Variants in FERMT2 observed in about 807,000 individuals in gnomAD.
FERMT2 encodes FERM domain containing kindlin 2.
Under a neutral mutation model 82.7 loss-of-function variants are expected in FERMT2, and 15 were observed. The observed-to-expected ratio is 0.18, with a 90% CI of 0.12 to 0.28. FERMT2 has a LOEUF of 0.28. Among genes scored for constraint, FERMT2 ranks in the 10% least tolerant of loss-of-function variants. The probability of loss-of-function intolerance (pLI) is 1.00; values close to 1 mark genes in which losing one functional copy is unlikely to be tolerated. For synonymous variants in FERMT2, 274 were observed against 271.5 expected (o/e 1.01, Z -0.09); for missense variants, 645 against 809.4 (o/e 0.80, Z 2.46).
chr14:52,936,299 A>G lies in FERMT2; in HGVS notation c.157+14113T>C, dbSNP rs575251757. 2.0e-5 allele frequency among the ~76,000 whole-genome samples: 3 copies of G among 152,342 alleles called. 1 individual carries two copies. The highest frequency in any genetic ancestry group is 1.9e-4 in the East Asian group (1 of 5,194). On this transcript the variant is annotated intron_variant, in intron 2 of 14. Transcript: ENST00000341590. Reference sequence around the variant, plus strand: ...TCTCAGAAAATATTAACAAATTCTAATATAAAACTTCAATGTATACTGGAA... The same window carrying G: ...TCTCAGAAAATATTAACAAATTCTAGTATAAAACTTCAATGTATACTGGAA...
chr14:52,894,872 CCTTT>C (rs1214663714), intron 3 of FERMT2, among the ~76,000 whole-genome samples: 3 of 97,670 alleles, frequency 3.1e-5, no homozygotes, highest in African/African-American at 1.1e-4. Context: ...AAAAAATTGC[CCTTT>C]ATTTAAAAAT....
intron 3 of FERMT2, among the ~76,000 whole-genome samples, chr14:52,904,381 G>A (rs940279320): frequency 6.6e-5 from 10 of 152,228 alleles, no homozygotes; most frequent in Admixed American, 5.9e-4. Flanking sequence ...GCTGGGCATG[G>A]TGGCATGTAC....
intron 4 of FERMT2, among the ~76,000 whole-genome samples, chr14:52,885,981 A>C (rs73302547): frequency 0.017 from 2,572 of 152,114 alleles, 64 homozygotes; most frequent in African/African-American, 0.058. Context: ...CCACAAACAA[A>C]ATGCCAGTAT....
intron 3 of FERMT2, among the ~76,000 whole-genome samples, chr14:52,917,550 T>A (rs931302824): frequency 6.6e-6 from 1 of 152,090 alleles, no homozygotes; most frequent in Non-Finnish European, 1.5e-5. Flanking sequence ...TTAAAAAAAA[T>A]TTCAAGGGCA....
chr14:52,950,511 G>A lies in FERMT2; in HGVS notation c.58C>T (p.Leu20=), dbSNP rs1595036124. ...DGCYADGTWE[L]SVHVTDLNRD... is the part of the protein sequence containing the mutation. ...TTCAGGTCCGTCACATGGACACTCAGTTCCCACGTCCCGTCCGCGTAGCAG... is the reference window on the plus strand; with the variant it reads ...TTCAGGTCCGTCACATGGACACTCAATTCCCACGTCCCGTCCGCGTAGCAG... The change falls in exon 2 of 15, where the codon CTG becomes TTG. Residue 20 remains leucine (L), a synonymous_variant. Coordinates refer to ENST00000341590, the MANE Select transcript of FERMT2 (RefSeq NM_006832.3). The A allele has an allele frequency of 6.2e-7, 1 of 1,614,160 alleles. No individual in the cohort carries two copies. Among genetic ancestry groups the A allele is most frequent in the East Asian group, 2.2e-5 (1 of 44,870 alleles).
At chr14:52,925,142 C>G (rs1595002450) in intron 2 of FERMT2, among the ~76,000 whole-genome samples, 1 of 152,164 alleles carries the variant, frequency 6.6e-6, no homozygotes, top group East Asian at 1.9e-4. Context: ...CATACCTATT[C>G]TATTCATTAG....
chr14:52,869,401 G>T (rs557260226), intron 10 of FERMT2, among the ~76,000 whole-genome samples: 2 of 152,308 alleles, frequency 1.3e-5, no homozygotes, highest in East Asian at 3.9e-4. Context: ...TCAACACTGT[G>T]TTGAAATACG....
At chr14:52,914,701 C>T (rs1888521947) in intron 3 of FERMT2, among the ~76,000 whole-genome samples, 1 of 152,136 alleles carries the variant, frequency 6.6e-6, no homozygotes, top group East Asian at 1.9e-4. Flanking sequence ...AGGCGGATCC[C>T]CTGAGGTCAA....
intron 8 of FERMT2, 72 bp from the exon 9 acceptor site, chr14:52,874,298 T>C: frequency 1.2e-6 from 1 of 864,690 alleles, no homozygotes; most frequent in Non-Finnish European, 1.8e-6. Flanking sequence ...GTATCTGATA[T>C]CAAGAACTAG....
intron 4 of FERMT2, among the ~76,000 whole-genome samples, chr14:52,882,116 C>T (rs1031864354): frequency 9.2e-5 from 14 of 152,196 alleles, no homozygotes; most frequent in African/African-American, 3.4e-4. Flanking sequence ...GAAATCCATA[C>T]AATTTGAAGG....
At chr14:52,941,752 C>T (rs952053821) in intron 2 of FERMT2, among the ~76,000 whole-genome samples, 2 of 152,068 alleles carry the variant, frequency 1.3e-5, no homozygotes, top group Admixed American at 6.6e-5. Context: ...TCTAAATAGG[C>T]CCAATGTTTT....
chr14:52,860,811 A>C (rs1433816312), intron 12 of FERMT2: 6 of 611,464 alleles, frequency 9.8e-6, no homozygotes, highest in Non-Finnish European at 1.7e-5. Flanking sequence ...TAAATTTAGC[A>C]CTATGTCTAT....
chr14:52,857,545 A>G lies in FERMT2; in HGVS notation c.*832T>C, dbSNP rs1356046434. 6.6e-6 allele frequency: 1 copy of G among 152,660 alleles called. No homozygotes were observed. The highest frequency in any genetic ancestry group is 1.5e-5 in the Non-Finnish European group (1 of 68,054). 9.5% of individuals were successfully genotyped at this position (152,660 alleles called of 1,614,324 possible). On this transcript the variant is annotated 3_prime_UTR_variant, in exon 15 of 15. Transcript: ENST00000341590. Reference sequence around the variant, plus strand: ...TAGATATTAAAACTGCACGTTAATTATATCTCTTAAAGGCATTTAATTAAC... The same window carrying G: ...TAGATATTAAAACTGCACGTTAATTGTATCTCTTAAAGGCATTTAATTAAC...
intron 3 of FERMT2, among the ~76,000 whole-genome samples, chr14:52,905,665 A>AT (rs1359976323): frequency 1.3e-5 from 2 of 152,060 alleles, no homozygotes; most frequent in African/African-American, 4.8e-5. Context: ...AATGCTAAGG[A>AT]TTTCTCCCGT....
At chr14:52,910,693 G>A (rs542062858) in intron 3 of FERMT2, among the ~76,000 whole-genome samples, 1 of 152,258 alleles carries the variant, frequency 6.6e-6, no homozygotes, top group South Asian at 2.1e-4. Context: ...TAAAAAGCTT[G>A]GAAATGATGT....
intron 4 of FERMT2, among the ~76,000 whole-genome samples, chr14:52,886,023 A>G (rs1317917196): frequency 6.6e-6 from 1 of 152,056 alleles, no homozygotes; most frequent in Non-Finnish European, 1.5e-5. Context: ...AAATTTTAAT[A>G]TCACTAAAAG....
intron 4 of FERMT2, among the ~76,000 whole-genome samples, chr14:52,882,711 G>C (rs892101057): frequency 6.6e-6 from 1 of 151,900 alleles, no homozygotes; most frequent in Non-Finnish European, 1.5e-5. Flanking sequence ...TTCTCCCCAT[G>C]CAATGATAGA....
chr14:52,896,456 C>T (rs187080089), intron 3 of FERMT2, among the ~76,000 whole-genome samples: 2 of 152,160 alleles, frequency 1.3e-5, no homozygotes, highest in East Asian at 3.9e-4. Flanking sequence ...CATGCTGCTA[C>T]AGAGTTGATG....
chr14:52,934,543 C>T (rs12888114), intron 2 of FERMT2, among the ~76,000 whole-genome samples: 40,484 of 152,102 alleles, frequency 0.27, 5,725 homozygotes, highest in East Asian at 0.39. Context: ...TGAAATATCT[C>T]TGACAGCTCC....
Sources: gnomAD v4.1 joint callset for allele counts (sites outside exome capture counted in the v4.1 genomes callset) on GRCh38, gnomAD v4.1.1 for gene constraint, MANE v1.5 for transcripts, NCBI Gene and HGNC (gene_info 2026-07-23, HGNC 2026-07-21) for gene names.